UBE2R2: variants seen among roughly 807,000 people sequenced by gnomAD.
The protein encoded by UBE2R2 is ubiquitin-conjugating enzyme E2 R2.
UBE2R2 carries 1 observed loss-of-function variant against 27.8 expected under a neutral mutation model. The ratio of observed to expected loss-of-function variants is 0.04; its 90% CI spans 0.01 to 0.17. The LOEUF is 0.17. UBE2R2 is among the 10% of genes least tolerant of loss of function. The pLI is 1.00. For missense variants in UBE2R2, 100 were observed against 291.0 expected (o/e 0.34, Z 4.78); for synonymous variants, 106 against 113.3 (o/e 0.94, Z 0.41).
At chr9:33,871,107 C>G (rs1453841314) in intron 1 of UBE2R2, among the ~76,000 whole-genome samples, 1 of 152,224 alleles carries the variant, frequency 6.6e-6, no homozygotes, top group Non-Finnish European at 1.5e-5. Flanking sequence ...CTGAATGTCT[C>G]AGCCAGAATT....
At chr9:33,908,318 T>G (rs1822408824) in intron 3 of UBE2R2, among the ~76,000 whole-genome samples, 1 of 152,192 alleles carries the variant, frequency 6.6e-6, no homozygotes, top group Non-Finnish European at 1.5e-5. Flanking sequence ...TTAGGTCACA[T>G]GCATATCCTC....
chr9:33,898,943 AGTTGT>A (rs1239101288), intron 2 of UBE2R2, among the ~76,000 whole-genome samples: 2 of 152,178 alleles, frequency 1.3e-5, no homozygotes, highest in Non-Finnish European at 2.9e-5. Flanking sequence ...TTGTGGATTA[AGTTGT>A]GTTAAGTTTA....
chr9:33,872,927 C>T (rs1345288825), intron 1 of UBE2R2, among the ~76,000 whole-genome samples: 2 of 152,040 alleles, frequency 1.3e-5, no homozygotes, highest in African/African-American at 4.8e-5. Context: ...GTAATCCCAG[C>T]ACTTTAGGAG....
At chr9:33,875,612 T>C (rs1821585792) in intron 1 of UBE2R2, among the ~76,000 whole-genome samples, 1 of 152,176 alleles carries the variant, frequency 6.6e-6, no homozygotes, top group Admixed American at 6.6e-5. Context: ...TTGAAGTTTC[T>C]CTTAAAATTT....
Position 33,884,235 on chromosome 9 carries a change from T to TCTCTCTCTCTCTCTCTCTC in UBE2R2, c.178-2646_178-2645insCTCTCTCTCTCTCTCTCTC, listed in dbSNP as rs71506145. Among the ~76,000 whole-genome samples, 10 of 110,820 alleles carry TCTCTCTCTCTCTCTCTCTC rather than the reference T, an allele frequency of 9.0e-5. 1 individual carries two copies. The highest frequency in any genetic ancestry group is 1.9e-4 in the Admixed American group (2 of 10,768). 72.7% of individuals were successfully genotyped at this position (110,820 alleles called of 152,430 possible). On this transcript the variant is annotated intron_variant, in intron 1 of 4. Transcript: ENST00000263228. ...CTCTCTCTCTCTCTCTCTCTCTCTC[T>TCTCTCTCTCTCTCTCTCTC]TCCCCCTCTCTTCCCCCTCCTACCC...
intron 1 of UBE2R2, among the ~76,000 whole-genome samples, chr9:33,847,882 G>C (rs998857164): frequency 6.6e-6 from 1 of 151,382 alleles, no homozygotes; most frequent in Admixed American, 6.6e-5. Flanking sequence ...CTCCCAAGTA[G>C]CTGGGATTAC....
At chr9:33,854,717 A>AT (rs60300328) in intron 1 of UBE2R2, among the ~76,000 whole-genome samples, 2,583 of 138,580 alleles carry the variant, frequency 0.019, 56 homozygotes, top group African/African-American at 0.055. Context: ...TGCAAGTGCA[A>AT]TTTTTTTTTT....
At chr9:33,857,361 C>T (rs1475727819) in intron 1 of UBE2R2, among the ~76,000 whole-genome samples, 1 of 151,730 alleles carries the variant, frequency 6.6e-6, no homozygotes, top group African/African-American at 2.4e-5. Context: ...CTCTGTTGCC[C>T]AGGCTGGAGT....
chr9:33,840,226 G>A (rs189852906), intron 1 of UBE2R2, among the ~76,000 whole-genome samples: 1 of 152,038 alleles, frequency 6.6e-6, no homozygotes, highest in East Asian at 1.9e-4. Context: ...GAACTTTTCA[G>A]CCATCCAGGA....
Position 33,918,367 on chromosome 9 carries a change from CCTT to C in UBE2R2, c.*1135_*1137del, listed in dbSNP as rs1822708869. ...TGGATGTGTGTGAGACGAGTTACCG[CCTT>C]CTTCATTGGATGTGATCTGAACTTT... On this transcript the variant is annotated 3_prime_UTR_variant, in exon 5 of 5. Coordinates refer to ENST00000263228, the MANE Select transcript of UBE2R2 (RefSeq NM_017811.4). The C allele has an allele frequency of 6.6e-6, 1 of 151,936 alleles. No individual in the cohort carries two copies. 9.4% of individuals were successfully genotyped at this position (151,936 alleles called of 1,614,324 possible).
At chr9:33,828,394 C>CTTTTT (rs200771475) in intron 1 of UBE2R2, among the ~76,000 whole-genome samples, 2 of 135,424 alleles carry the variant, frequency 1.5e-5, no homozygotes, top group Non-Finnish European at 3.2e-5. Context: ...TCTCTTAAAA[C>CTTTTT]TTTTTTTTTT....
Position 33,919,184 on chromosome 9 carries a change from C to T in UBE2R2, c.*1947C>T, listed in dbSNP as rs914178240. The T allele has an allele frequency of 3.9e-5, 6 of 152,184 alleles. No individual in the cohort carries two copies. The highest frequency in any genetic ancestry group is 1.4e-4 in the African/African-American group (6 of 41,440). 9.4% of individuals were successfully genotyped at this position (152,184 alleles called of 1,614,324 possible). Reference sequence around the variant, plus strand: ...GTCAAGTTACCTGATTACAAACTCTCATAGATGTTGGAACTACCTTTTTAC... The same window carrying T: ...GTCAAGTTACCTGATTACAAACTCTTATAGATGTTGGAACTACCTTTTTAC... On this transcript the variant is annotated 3_prime_UTR_variant, in exon 5 of 5. Transcript: ENST00000263228.
At chr9:33,837,613 A>G (rs542958003) in intron 1 of UBE2R2, among the ~76,000 whole-genome samples, 22 of 151,844 alleles carry the variant, frequency 1.4e-4, no homozygotes, top group Non-Finnish European at 2.8e-4. Flanking sequence ...TTTAGTAGAG[A>G]TGGGTTTTGC....
At chr9:33,916,986 C>A in intron 4 of UBE2R2, 32 bp from the exon 5 acceptor site, 2 of 1,611,996 alleles carry the variant, frequency 1.2e-6, no homozygotes, top group Non-Finnish European at 1.7e-6. Flanking sequence ...AAAGACTTAC[C>A]GTAAACCATT....
intron 1 of UBE2R2, among the ~76,000 whole-genome samples, chr9:33,846,840 A>G (rs770906849): frequency 2.0e-5 from 3 of 151,984 alleles, no homozygotes; most frequent in Non-Finnish European, 4.4e-5. Context: ...TTAACCACAT[A>G]TTTTCCTTAA....
At chr9:33,846,118 C>T (rs541506139) in intron 1 of UBE2R2, among the ~76,000 whole-genome samples, 45 of 96,628 alleles carry the variant, frequency 4.7e-4, no homozygotes, top group African/African-American at 1.8e-3. Flanking sequence ...AGCAAGACTC[C>T]GTCTCAAAAA....
chr9:33,840,632 TTC>T (rs1209137844), intron 1 of UBE2R2, among the ~76,000 whole-genome samples: 1 of 152,180 alleles, frequency 6.6e-6, no homozygotes, highest in Non-Finnish European at 1.5e-5. Context: ...AAGTCTGGTT[TTC>T]TCTTTTTTTT....
chr9:33,854,766 T>C (rs999737570), intron 1 of UBE2R2, among the ~76,000 whole-genome samples: 2 of 151,514 alleles, frequency 1.3e-5, no homozygotes, highest in Non-Finnish European at 2.9e-5. Flanking sequence ...TCACCCAGAC[T>C]GGAGTGCAGT....
intron 1 of UBE2R2, among the ~76,000 whole-genome samples, chr9:33,854,132 GT>G (rs759624740): frequency 6.6e-6 from 1 of 151,850 alleles, no homozygotes; most frequent in Non-Finnish European, 1.5e-5. Context: ...AAATATATTG[GT>G]TTTTTAACAA....
Sources: gnomAD v4.1 joint callset for allele counts (sites outside exome capture counted in the v4.1 genomes callset) on GRCh38, gnomAD v4.1.1 for gene constraint, MANE v1.5 for transcripts, NCBI Gene and HGNC (gene_info 2026-07-23, HGNC 2026-07-21) for gene names.